The following ADAMTS20 variants were observed in gnomAD, a reference collection of about 807,000 sequenced individuals.
ADAMTS20 encodes ADAM metallopeptidase with thrombospondin type 1 motif 20.
A neutral mutation model predicts 260.1 loss-of-function variants in ADAMTS20; 225 were observed. That is an observed-to-expected ratio of 0.87 (90% CI 0.78 to 0.97). The LOEUF (loss-of-function observed/expected upper bound fraction) is 0.97, where lower values mean the gene tolerates loss of function less well. ADAMTS20 is among the 50% of genes least tolerant of loss of function. The probability of loss-of-function intolerance (pLI) is 0.00; values close to 1 mark genes in which losing one functional copy is unlikely to be tolerated. For missense variants in ADAMTS20, 2,400 were observed against 2,337.7 expected (o/e 1.03, Z -0.55); for synonymous variants, 802 against 769.5 (o/e 1.04, Z -0.70).
chr12:43,513,235 T>G (rs552743361), intron 3 of ADAMTS20, among the ~76,000 whole-genome samples: 1 of 152,230 alleles, frequency 6.6e-6, no homozygotes, highest in South Asian at 2.1e-4. Context: ...AACAAGACAA[T>G]GGAGCACACT....
chr12:43,537,845 T>C (rs1943318264), intron 2 of ADAMTS20, among the ~76,000 whole-genome samples: 1 of 152,172 alleles, frequency 6.6e-6, no homozygotes, highest in South Asian at 2.1e-4. Flanking sequence ...AATGACTAGA[T>C]CTCATTCTTT....
At chr12:43,467,968 G>A (rs957462988) in intron 8 of ADAMTS20, among the ~76,000 whole-genome samples, 2 of 152,010 alleles carry the variant, frequency 1.3e-5, no homozygotes, top group Non-Finnish European at 2.9e-5. Context: ...TTTTTTCAGA[G>A]GATACATTTG....
chr12:43,525,543 A>G (rs975242059), intron 3 of ADAMTS20, among the ~76,000 whole-genome samples: 1 of 152,238 alleles, frequency 6.6e-6, no homozygotes, highest in Non-Finnish European at 1.5e-5. Flanking sequence ...CTGAAAGTAA[A>G]TGGCCTACAT....
chr12:43,354,136 G>C lies in ADAMTS20; in HGVS notation c.*73C>G, dbSNP rs530601356. 3.7e-5 allele frequency: 43 copies of C among 1,168,684 alleles called. No individual in the cohort carries two copies. In the African/African-American group the frequency reaches 6.2e-4, roughly 17 times the overall value. The allele number at this position is 1,168,684 out of a possible 1,614,324, so 72.4% of individuals were successfully genotyped here. A position where few individuals can be genotyped will look rare whatever the true frequency, so the allele number is the denominator to read the frequency against. The stretch of plus-strand genomic sequence containing the variant: ...GAAATCTCGGGAAGGGAGATATAAA[G>C]AAATGAGCACCAGTTATTTGAATAT... On this transcript the variant is annotated 3_prime_UTR_variant, in exon 39 of 39. Transcript: ENST00000389420.
chr12:43,422,387 A>G (rs564144501), intron 28 of ADAMTS20, among the ~76,000 whole-genome samples: 1 of 152,126 alleles, frequency 6.6e-6, no homozygotes, highest in Non-Finnish European at 1.5e-5. Flanking sequence ...TATTAATCTA[A>G]TATGCTAATA....
At chr12:43,482,903 T>C (rs1001714890) in intron 7 of ADAMTS20, among the ~76,000 whole-genome samples, 1 of 152,198 alleles carries the variant, frequency 6.6e-6, no homozygotes, top group Non-Finnish European at 1.5e-5. Flanking sequence ...TAACAGATTG[T>C]ATCTTCTTCC....
At chr12:43,461,044 G>A (rs1218821847) in intron 11 of ADAMTS20, among the ~76,000 whole-genome samples, 1 of 125,218 alleles carries the variant, frequency 8.0e-6, no homozygotes, top group Non-Finnish European at 1.6e-5. Flanking sequence ...CCCTAGTAGT[G>A]CAAAGGCGTG....
intron 36 of ADAMTS20, 34 bp downstream of exon 36, chr12:43,375,345 C>G: frequency 6.2e-7 from 1 of 1,600,310 alleles, no homozygotes; most frequent in Non-Finnish European, 8.5e-7. Flanking sequence ...CAAATGGAGG[C>G]TTTTTGATTT....
intron 23 of ADAMTS20, 103 bp downstream of exon 23, chr12:43,430,249 T>C (rs1410783447): frequency 6.5e-6 from 9 of 1,378,074 alleles, no homozygotes; most frequent in Admixed American, 2.4e-5. Context: ...GTTTAAGGCA[T>C]ACAAGTTTAA....
chr12:43,448,166 AG>A (rs1332826245), intron 14 of ADAMTS20, among the ~76,000 whole-genome samples: 1 of 152,142 alleles, frequency 6.6e-6, no homozygotes, highest in Non-Finnish European at 1.5e-5. Flanking sequence ...AACCAAAAAA[AG>A]AGCCTGAATA....
intron 31 of ADAMTS20, among the ~76,000 whole-genome samples, chr12:43,378,632 A>G (rs2137216545): frequency 6.6e-6 from 1 of 152,368 alleles, no homozygotes; most frequent in African/African-American, 2.4e-5. Context: ...ATACATGTAT[A>G]GGAATAAAAA....
In ADAMTS20 at chr12:43,446,706, C is replaced by T; in HGVS notation, c.2086G>A (p.Gly696Ser). The change falls in exon 15 of 39, where the codon GGT (glycine) becomes AGT (serine). Residue 696 changes from glycine to serine, a missense_variant. By Grantham distance (56) the Gly-to-Ser change is moderately conservative. Transcript: ENST00000389420. Reference protein sequence around the residue: ...ICVQGQCMAAGCDHVLNSSAK... With the variant: ...ICVQGQCMAASCDHVLNSSAK... ...CTGGAGTTTAACACGTGATCACAAC[C>T]AGCTGCCTTCAAGACACAATTACAA... 2 of 1,612,546 alleles carry T rather than the reference C, an allele frequency of 1.2e-6. No homozygotes were observed. The highest frequency in any genetic ancestry group is 1.7e-6 in the Non-Finnish European group (2 of 1,178,948).
At chr12:43,515,429 T>C (rs533959957) in intron 3 of ADAMTS20, among the ~76,000 whole-genome samples, 1 of 152,300 alleles carries the variant, frequency 6.6e-6, no homozygotes, top group Non-Finnish European at 1.5e-5. Flanking sequence ...GTAAGCTAAG[T>C]TTACACTTTA....
chr12:43,460,988 A>ATATATATATATTTTTTT lies in ADAMTS20; in HGVS notation c.1614+1906_1614+1907insAAAAAAATATATATATA. On this transcript the variant is annotated intron_variant, in intron 11 of 38. Transcript: ENST00000389420. ...ATTATATATATATATATATATATAT[A>ATATATATATATTTTTTT]TTTTTTTTTTTTTTTTTTTTTTTGA... 1.9e-3 allele frequency among the ~76,000 whole-genome samples: 49 copies of ATATATATATATTTTTTT among 26,396 alleles called. 1 individual carries two copies. Among genetic ancestry groups the ATATATATATATTTTTTT allele is most frequent in the East Asian group, 0.05 (1 of 20 alleles). The allele number at this position is 26,396 out of a possible 152,430, so 17.3% of individuals were successfully genotyped here. A position where few individuals can be genotyped will look rare whatever the true frequency, so the allele number is the denominator to read the frequency against.
chr12:43,502,288 T>C lies in ADAMTS20; in HGVS notation c.731A>G (p.Asp244Gly), dbSNP rs780590515. Residue 244 changes from aspartate to glycine, a missense_variant, in exon 4 of 39, where the codon GAT becomes GGT. Physicochemically the swap from Asp to Gly is moderately conservative, Grantham distance 94. Transcript: ENST00000389420. ...GHTSKNVPLK[D>G]ERRHSRKKRL... Reference sequence around the variant, plus strand: ...TTTTTTCCTGGAATGTCTTCTTTCATCTTTCAATGGTACATTTTTTGATGT... The same window carrying C: ...TTTTTTCCTGGAATGTCTTCTTTCACCTTTCAATGGTACATTTTTTGATGT... 2 of 1,612,272 alleles carry C rather than the reference T, an allele frequency of 1.2e-6. No individual in the cohort carries two copies. The highest frequency in any genetic ancestry group is 1.1e-5 in the South Asian group (1 of 90,878).
At position 43,490,429 on chromosome 12, in the gene ADAMTS20, G is replaced by C. The variant is rs1446482419; in HGVS notation, c.1083C>G (p.Asp361Glu). The change falls in exon 7 of 39, where the codon GAC becomes GAG. Residue 361 changes from aspartate to glutamate, a missense_variant. Transcript: ENST00000389420. ...TACATTTCTCTTTAGATGAACAAATGTCTTCCCTTAAAATAAAAGATTTAT... is the reference window on the plus strand; with the variant it reads ...TACATTTCTCTTTAGATGAACAAATCTCTTCCCTTAAAATAAAAGATTTAT... ...HDTAVLITRE[D>E]ICSSKEKCNM... 1 of 1,293,774 alleles carries C rather than the reference G, an allele frequency of 7.7e-7. No homozygotes were observed. The highest frequency in any genetic ancestry group is 1.0e-6 in the Non-Finnish European group (1 of 960,484). The allele number at this position is 1,293,774 out of a possible 1,614,324, so 80.1% of individuals were successfully genotyped here.
intron 16 of ADAMTS20, among the ~76,000 whole-genome samples, chr12:43,441,624 A>G (rs1447249790): frequency 1.3e-5 from 2 of 152,136 alleles, no homozygotes; most frequent in African/African-American, 4.8e-5. Context: ...GTACTGTGCT[A>G]TTTATTTTTA....
chr12:43,425,005 G>GACAAA (rs750116083), intron 28 of ADAMTS20, among the ~76,000 whole-genome samples: 1 of 151,708 alleles, frequency 6.6e-6, no homozygotes, highest in Non-Finnish European at 1.5e-5. Flanking sequence ...AAGCAAAAGA[G>GACAAA]ACAAAACAAA....
intron 11 of ADAMTS20, among the ~76,000 whole-genome samples, chr12:43,456,867 G>A (rs1941973960): frequency 6.6e-6 from 1 of 152,068 alleles, no homozygotes; most frequent in African/African-American, 2.4e-5. Context: ...AGATGACTTA[G>A]GTCAGAGCAG....
Sources: allele counts gnomAD v4.1 joint callset (sites outside exome capture counted in the v4.1 genomes callset), GRCh38; gene constraint gnomAD v4.1.1; transcripts MANE v1.5; gene names NCBI Gene and HGNC (gene_info 2026-07-23, HGNC 2026-07-21).